SPAG16: variants seen among roughly 807,000 people sequenced by gnomAD.
SPAG16 encodes the protein sperm associated antigen 16.
SPAG16 carries 86 observed loss-of-function variants against 80.4 expected under a neutral mutation model. That is an observed-to-expected ratio of 1.07 (90% confidence interval 0.90 to 1.28). The LOEUF (loss-of-function observed/expected upper bound fraction) is 1.28, where lower values mean the gene tolerates loss of function less well. Ranked by LOEUF, SPAG16 falls within the 50% of genes most tolerant of loss-of-function variation. The pLI, the probability that SPAG16 is intolerant of heterozygous loss-of-function variation, is 0.00. For missense variants in SPAG16, 870 were observed against 765.3 expected (o/e 1.14, Z -1.61); for synonymous variants, 294 against 265.9 (o/e 1.11, Z -1.03).
At chr2:213,371,356 C>T (rs959871368) in intron 8 of SPAG16, among the ~76,000 whole-genome samples, 4 of 141,976 alleles carry the variant, frequency 2.8e-5, no homozygotes, top group Non-Finnish European at 6.0e-5. Flanking sequence ...CGAGATCGCA[C>T]CACTGCATTC....
intron 11 of SPAG16, among the ~76,000 whole-genome samples, chr2:213,874,388 T>A (rs558557578): frequency 1.3e-5 from 2 of 152,186 alleles, no homozygotes; most frequent in Non-Finnish European, 2.9e-5. Context: ...TTGTGCTTTT[T>A]CTATAAATTT....
chr2:213,326,160 A>T (rs1424853309), intron 5 of SPAG16, among the ~76,000 whole-genome samples: 1 of 152,068 alleles, frequency 6.6e-6, no homozygotes, highest in Non-Finnish European at 1.5e-5. Flanking sequence ...GATTACTAAC[A>T]GGAAGATGAA....
At chr2:214,091,083 C>A (rs896839062) in intron 13 of SPAG16, among the ~76,000 whole-genome samples, 3 of 151,986 alleles carry the variant, frequency 2.0e-5, no homozygotes, top group African/African-American at 4.8e-5. Context: ...TACATAAAAA[C>A]AAAATCCAAG....
chr2:213,661,056 G>T (rs919883518), intron 10 of SPAG16, among the ~76,000 whole-genome samples: 1 of 152,072 alleles, frequency 6.6e-6, no homozygotes, highest in South Asian at 2.1e-4. Context: ...CCTGGTGTTG[G>T]GTCTGGTCAC....
intron 10 of SPAG16, among the ~76,000 whole-genome samples, chr2:213,676,567 A>T (rs1408880198): frequency 6.6e-6 from 1 of 152,062 alleles, no homozygotes; most frequent in African/African-American, 2.4e-5. Context: ...ATTAATACCT[A>T]ATTTGTTGAG....
At chr2:213,934,973 C>T (rs1391948463) in intron 12 of SPAG16, among the ~76,000 whole-genome samples, 2 of 152,048 alleles carry the variant, frequency 1.3e-5, no homozygotes, top group Non-Finnish European at 2.9e-5. Context: ...GAGGCTGAGG[C>T]AGGCCGATCA....
chr2:213,779,622 C>T (rs923449069), intron 10 of SPAG16, among the ~76,000 whole-genome samples: 1 of 152,162 alleles, frequency 6.6e-6, no homozygotes, highest in Non-Finnish European at 1.5e-5. Flanking sequence ...ATAGGGTCAT[C>T]TGGTGCCCTA....
intron 10 of SPAG16, among the ~76,000 whole-genome samples, chr2:213,824,848 T>G (rs1392335226): frequency 6.6e-6 from 1 of 152,206 alleles, no homozygotes; most frequent in Admixed American, 6.5e-5. Context: ...TTAACAATAT[T>G]CTTCCAATCT....
chr2:213,302,656 T>C (rs2062791591), intron 3 of SPAG16: 1 of 152,014 alleles, frequency 6.6e-6, no homozygotes, highest in Non-Finnish European at 1.5e-5. Context: ...TGTGTGTGTG[T>C]GTGTTGTGTA....
At chr2:213,643,816 T>C (rs1242305334) in intron 10 of SPAG16, among the ~76,000 whole-genome samples, 9 of 147,766 alleles carry the variant, frequency 6.1e-5, no homozygotes, top group Non-Finnish European at 1.3e-4. Flanking sequence ...TTTCAGTCTT[T>C]GTTGTCAAGG....
chr2:214,175,256 T>TAC (rs2057033704), intron 15 of SPAG16, among the ~76,000 whole-genome samples: 1 of 146,278 alleles, frequency 6.8e-6, no homozygotes, highest in Admixed American at 6.9e-5. Context: ...TATATATATA[T>TAC]ATAAAGAAAT....
intron 15 of SPAG16, among the ~76,000 whole-genome samples, chr2:214,249,193 A>G (rs1269154208): frequency 6.6e-6 from 1 of 152,190 alleles, no homozygotes; most frequent in Non-Finnish European, 1.5e-5. Flanking sequence ...CAGAAAAACT[A>G]CCAGAAAATT....
chr2:213,923,267 A>C (rs577835946), intron 11 of SPAG16, among the ~76,000 whole-genome samples: 25 of 152,276 alleles, frequency 1.6e-4, no homozygotes, highest in Non-Finnish European at 3.1e-4. Flanking sequence ...TTGAGTTCCC[A>C]CAGAAGTGGA....
intron 14 of SPAG16, among the ~76,000 whole-genome samples, chr2:214,123,192 T>C (rs2054303756): frequency 6.6e-6 from 1 of 151,892 alleles, no homozygotes; most frequent in South Asian, 2.1e-4. Context: ...TCTACTTTGT[T>C]TTGGTGTTAG....
At chr2:213,586,019 A>G (rs1450040523) in intron 10 of SPAG16, among the ~76,000 whole-genome samples, 1 of 152,246 alleles carries the variant, frequency 6.6e-6, no homozygotes, top group Non-Finnish European at 1.5e-5. Context: ...ATACTGACGT[A>G]TACCATGCAT....
At chr2:213,609,963 G>T (rs2061390284) in intron 10 of SPAG16, among the ~76,000 whole-genome samples, 1 of 151,920 alleles carries the variant, frequency 6.6e-6, no homozygotes, top group Non-Finnish European at 1.5e-5. Flanking sequence ...TTCAATTAGG[G>T]ATTAGTCAGG....
At chr2:213,746,048 C>T (rs947949010) in intron 10 of SPAG16, among the ~76,000 whole-genome samples, 3 of 152,158 alleles carry the variant, frequency 2.0e-5, no homozygotes, top group Non-Finnish European at 2.9e-5. Context: ...TGACTAAGTT[C>T]CTCATTGTTT....
intron 1 of SPAG16, among the ~76,000 whole-genome samples, chr2:213,286,486 T>C (rs1247089800): frequency 4.6e-5 from 7 of 152,364 alleles, no homozygotes; most frequent in African/African-American, 1.4e-4. Context: ...AAGAGTTGCC[T>C]GTGTAATGTT....
At chr2:214,122,773 G>C (rs1576280014) in intron 14 of SPAG16, among the ~76,000 whole-genome samples, 1 of 151,876 alleles carries the variant, frequency 6.6e-6, no homozygotes, top group Non-Finnish European at 1.5e-5. Flanking sequence ...ACTGCACCAA[G>C]ATGATGCATA....
Sources: allele counts gnomAD v4.1 joint callset (sites outside exome capture counted in the v4.1 genomes callset), GRCh38; gene constraint gnomAD v4.1.1; transcripts MANE v1.5; gene names NCBI Gene and HGNC (gene_info 2026-07-23, HGNC 2026-07-21).